EPHA4: variants seen among roughly 807,000 people sequenced by gnomAD.
EPHA4 encodes EPH receptor A4.
A neutral mutation model predicts 108.3 loss-of-function variants in EPHA4; 19 were observed. That is an observed-to-expected ratio of 0.18 (90% confidence interval 0.12 to 0.26). The LOEUF (loss-of-function observed/expected upper bound fraction) is 0.26, where lower values mean the gene tolerates loss of function less well. Ranked by LOEUF, EPHA4 falls within the 10% of genes least tolerant of loss-of-function variation. The pLI is 1.00. For missense variants in EPHA4, 917 were observed against 1,254.0 expected (o/e 0.73, Z 4.06); for synonymous variants, 449 against 455.5 (o/e 0.99, Z 0.18).
chr2:221,484,355 CTTTATT>C (rs769446556), intron 4 of EPHA4, among the ~76,000 whole-genome samples: 5 of 152,128 alleles, frequency 3.3e-5, no homozygotes, highest in African/African-American at 4.8e-5. Flanking sequence ...TTATTGAAGA[CTTTATT>C]TTAACAAGGT....
chr2:221,461,407 C>A (rs1363965856), intron 5 of EPHA4, among the ~76,000 whole-genome samples: 2 of 152,098 alleles, frequency 1.3e-5, no homozygotes, highest in Non-Finnish European at 2.9e-5. Context: ...ACATCCCACC[C>A]TTAAATATAT....
chr2:221,550,798 CT>C (rs11332295), intron 3 of EPHA4, among the ~76,000 whole-genome samples: 1,784 of 148,148 alleles, frequency 0.012, 39 homozygotes, highest in African/African-American at 0.04. Context: ...TCTAATAAGG[CT>C]TTTTTTTTTC....
At chr2:221,505,272 G>A (rs1463976253) in intron 3 of EPHA4, among the ~76,000 whole-genome samples, 2 of 152,026 alleles carry the variant, frequency 1.3e-5, no homozygotes, top group Non-Finnish European at 2.9e-5. Context: ...AAGCAATAAT[G>A]TTTTGAATGT....
In EPHA4 at chr2:221,571,999, C is replaced by A. The variant is rs1240853031; in HGVS notation, c.91+159G>T. Among the ~76,000 whole-genome samples the A allele has an allele frequency of 6.6e-6, 1 of 152,162 alleles. No individual in the cohort carries two copies. Among genetic ancestry groups the A allele is most frequent in the East Asian group, 1.9e-4 (1 of 5,146 alleles). On this transcript the variant is annotated intron_variant, in intron 1 of 17. Coordinates refer to ENST00000281821, the MANE Select transcript of EPHA4 (RefSeq NM_004438.5). The surrounding 1 kb of genome is among the most constrained non-coding windows in gnomAD (Gnocchi z 6.3). ...GGCTGTCCGGCGGTTCCCCGCTGCC[C>A]CTTCGCCGATCCCCTCGCCTCAGCC...
chr2:221,552,489 T>C (rs901379741), intron 3 of EPHA4, among the ~76,000 whole-genome samples: 1 of 152,104 alleles, frequency 6.6e-6, no homozygotes, highest in Non-Finnish European at 1.5e-5. Context: ...GTCAAGGGCC[T>C]CCTAGGGTTC....
chr2:221,572,201 A>G lies in EPHA4; in HGVS notation c.48T>C (p.Ile16=), dbSNP rs1328859645. 1 of 1,614,164 alleles carries G rather than the reference A, an allele frequency of 6.2e-7. No individual in the cohort carries two copies. Among genetic ancestry groups the G allele is most frequent in the Non-Finnish European group, 8.5e-7 (1 of 1,179,982 alleles). Residue 16 remains isoleucine (I), a synonymous_variant, in exon 1 of 18, where the codon ATT becomes ATC. Transcript: ENST00000281821. Reference sequence around the variant, plus strand: ...CCCTGGAACCTGTGACAGCGTCGCAAATCCCGAAGAGACACGAAAATAGGG... The same window carrying G: ...CCCTGGAACCTGTGACAGCGTCGCAGATCCCGAAGAGACACGAAAATAGGG... ...YFALFSCLFG[I]CDAVTGSRVY... is the part of the protein sequence containing the mutation.
chr2:221,452,105 A>C (rs993671641), intron 8 of EPHA4, among the ~76,000 whole-genome samples: 12 of 152,210 alleles, frequency 7.9e-5, no homozygotes, highest in African/African-American at 2.9e-4. Context: ...GAAGGACTGA[A>C]ACTTTCTCAC....
intron 5 of EPHA4, among the ~76,000 whole-genome samples, chr2:221,463,768 T>C (rs539774326): frequency 6.6e-6 from 1 of 152,266 alleles, no homozygotes; most frequent in African/African-American, 2.4e-5. Context: ...AGTTTGGTCC[T>C]TGTGACACCC....
chr2:221,518,946 A>G (rs1693074669), intron 3 of EPHA4, among the ~76,000 whole-genome samples: 1 of 152,206 alleles, frequency 6.6e-6, no homozygotes, highest in Non-Finnish European at 1.5e-5. Flanking sequence ...AGAGCAGAGT[A>G]GTTTTGAAAA....
At chr2:221,492,745 A>G (rs1403607045) in intron 4 of EPHA4, among the ~76,000 whole-genome samples, 1 of 152,216 alleles carries the variant, frequency 6.6e-6, no homozygotes, top group African/African-American at 2.4e-5. Flanking sequence ...ATCAGTTTGT[A>G]CAGTCCATGG....
Position 221,564,031 on chromosome 2 carries a change from GC to G in EPHA4, c.522del (p.Pro175HisfsTer2). 1 of 1,613,726 alleles carries G rather than the reference GC, an allele frequency of 6.2e-7. No homozygotes were observed. Among genetic ancestry groups the G allele is most frequent in the East Asian group, 2.2e-5 (1 of 44,862 alleles). On this transcript the variant is annotated frameshift_variant, in exon 3 of 18. Coordinates refer to ENST00000281821, the MANE Select transcript of EPHA4 (RefSeq NM_004438.5). LOFTEE classifies it high-confidence loss of function. ...MKLNTEIRDV[G>X]PLSKKGFYLA... ...AGGTAAAACCCCTTTTTGCTTAATGGCCCTACATCCCGGATCTCGGTGTTCA... is the reference window on the plus strand; with the variant it reads ...AGGTAAAACCCCTTTTTGCTTAATGGCCTACATCCCGGATCTCGGTGTTCA...
chr2:221,484,772 C>T (rs779406273), intron 4 of EPHA4, among the ~76,000 whole-genome samples: 35 of 152,300 alleles, frequency 2.3e-4, no homozygotes, highest in Non-Finnish European at 3.4e-4. Context: ...AAAGTTCATG[C>T]AATCTAATTA....
chr2:221,549,243 C>T (rs1408134681), intron 3 of EPHA4, among the ~76,000 whole-genome samples: 1 of 152,182 alleles, frequency 6.6e-6, no homozygotes. Context: ...AATGTTTGTC[C>T]TCTGGTCTTC....
At position 221,566,943 on chromosome 2, in the gene EPHA4, GGAGA is replaced by G. The variant is rs1559297331; in HGVS notation, c.159+1771_159+1774del. ...AGGAGAAGGAGAAGGAGAAGGAGAA[GGAGA>G]AGGAGAAGGGGAAGAGGAAGAGGAA... On this transcript the variant is annotated intron_variant, in intron 2 of 17. Coordinates refer to ENST00000281821, the MANE Select transcript of EPHA4 (RefSeq NM_004438.5). Among the ~76,000 whole-genome samples, 390 of 76,792 alleles carry G rather than the reference GGAGA, an allele frequency of 5.1e-3. 110 individuals are homozygous for G. The highest frequency in any genetic ancestry group is 0.012 in the African/African-American group (160 of 13,300). 50.4% of individuals were successfully genotyped at this position (76,792 alleles called of 152,430 possible).
chr2:221,527,940 A>G (rs1693387452), intron 3 of EPHA4, among the ~76,000 whole-genome samples: 1 of 152,160 alleles, frequency 6.6e-6, no homozygotes, highest in South Asian at 2.1e-4. Context: ...TCTGAGGCTC[A>G]TGAGCAGAGA....
At chr2:221,502,806 A>G (rs1245765600) in intron 3 of EPHA4, among the ~76,000 whole-genome samples, 1 of 152,238 alleles carries the variant, frequency 6.6e-6, no homozygotes, top group Admixed American at 6.6e-5. Context: ...AAACTTTATG[A>G]CGTGTGGAGC....
rs1247142043 is a variant in EPHA4, at chr2:221,571,942, C to T, written c.91+216G>A. ...CCTTTGGTTACAAACTTGGACAGAC[C>T]CGCCGCGTGCACGGGTCACCGCCTC... is the stretch of plus-strand genomic sequence containing the variant. On this transcript the variant is annotated intron_variant, in intron 1 of 17. Transcript: ENST00000281821. This position sits in a 1 kb window ranked among gnomAD's most constrained non-coding sequence, Gnocchi z 6.3. 6.6e-6 allele frequency among the ~76,000 whole-genome samples: 1 copy of T among 152,190 alleles called. No individual in the cohort carries two copies. Among genetic ancestry groups the T allele is most frequent in the African/African-American group, 2.4e-5 (1 of 41,454 alleles).
chr2:221,477,607 T>C (rs1292043377), intron 5 of EPHA4, among the ~76,000 whole-genome samples: 3 of 152,168 alleles, frequency 2.0e-5, no homozygotes, highest in Admixed American at 6.5e-5. Context: ...TCTTACTGTT[T>C]TCCCCCCGCA....
At chr2:221,562,165 TC>T (rs1404479453) in intron 3 of EPHA4, among the ~76,000 whole-genome samples, 1 of 151,778 alleles carries the variant, frequency 6.6e-6, no homozygotes, top group African/African-American at 2.4e-5. Context: ...ATTTTAAAAA[TC>T]CTTAAATTCC....
Sources: allele counts gnomAD v4.1 joint callset (sites outside exome capture counted in the v4.1 genomes callset), GRCh38; gene constraint gnomAD v4.1.1; non-coding constraint Gnocchi (gnomAD v3.1); transcripts MANE v1.5; gene names NCBI Gene and HGNC (gene_info 2026-07-23, HGNC 2026-07-21).